The following NEDD4 variants were observed in gnomAD, a reference collection of about 807,000 sequenced individuals.
NEDD4 encodes E3 ubiquitin-protein ligase NEDD4.
NEDD4 carries 99 observed loss-of-function variants against 144.9 expected under a neutral mutation model. The ratio of observed to expected loss-of-function variants is 0.68; its 90% confidence interval spans 0.58 to 0.81. The LOEUF is 0.81. Among genes scored for constraint, NEDD4 ranks in the 30% least tolerant of loss-of-function variants. The probability of loss-of-function intolerance (pLI) is 0.00; values close to 1 mark genes in which losing one functional copy is unlikely to be tolerated. For missense variants in NEDD4, 985 were observed against 1,065.9 expected (o/e 0.92, Z 1.06); for synonymous variants, 318 against 350.6 (o/e 0.91, Z 1.04).
chr15:55,936,068 G>C (rs1282348536), intron 4 of NEDD4, among the ~76,000 whole-genome samples: 1 of 151,990 alleles, frequency 6.6e-6, no homozygotes, highest in African/African-American at 2.4e-5. Context: ...TTATTGTGAA[G>C]GCAGTTTTCA....
intron 18 of NEDD4, among the ~76,000 whole-genome samples, chr15:55,843,429 A>G (rs1463662801): frequency 6.6e-6 from 1 of 152,208 alleles, no homozygotes; most frequent in African/African-American, 2.4e-5. Context: ...TGCCTCACTA[A>G]TCTTTTGTAC....
chr15:55,923,659 A>AAAAT (rs546642962), intron 5 of NEDD4, among the ~76,000 whole-genome samples: 10,654 of 134,622 alleles, frequency 0.079, 532 homozygotes, highest in Non-Finnish European at 0.09. Flanking sequence ...AAAAAAAAAA[A>AAAAT]ATATATATAT....
At chr15:55,909,390 G>T (rs1468593725) in intron 5 of NEDD4, among the ~76,000 whole-genome samples, 1 of 152,104 alleles carries the variant, frequency 6.6e-6, no homozygotes, top group Non-Finnish European at 1.5e-5. Flanking sequence ...GGACAGATCT[G>T]CTCATCTCTT....
intron 12 of NEDD4, among the ~76,000 whole-genome samples, chr15:55,855,348 C>T (rs2034148166): frequency 6.6e-6 from 1 of 152,096 alleles, no homozygotes; most frequent in Non-Finnish European, 1.5e-5. Context: ...ATGGAATGCA[C>T]ACAGACTCAG....
At position 55,924,666 on chromosome 15, in the gene NEDD4, C is replaced by T; in HGVS notation, c.271G>A (p.Val91Met). The change falls in exon 5 of 29, where the codon GTG becomes ATG. Residue 91 changes from valine (V) to methionine (M), a missense_variant. Coordinates refer to ENST00000435532, the MANE Select transcript of NEDD4 (RefSeq NM_006154.4). ...HPQQHRLLFE[V>M]FDENRLTRDD... ...CTTACCAATCGGTTTTCGTCAAACACTTCAAAAAGAAGCCGGTGCTGCTGA... is the reference window on the plus strand; with the variant it reads ...CTTACCAATCGGTTTTCGTCAAACATTTCAAAAAGAAGCCGGTGCTGCTGA... The T allele has an allele frequency of 6.2e-7, 1 of 1,610,246 alleles. No homozygotes were observed. The highest frequency in any genetic ancestry group is 8.5e-7 in the Non-Finnish European group (1 of 1,178,238).
At position 55,990,854 on chromosome 15, in the gene NEDD4, T is replaced by A. The variant is rs971880674; in HGVS notation, c.45+2657A>T. 1.3e-5 allele frequency among the ~76,000 whole-genome samples: 2 copies of A among 152,172 alleles called. 1 individual carries two copies. Among genetic ancestry groups the A allele is most frequent in the East Asian group, 3.8e-4 (2 of 5,196 alleles). ...GTGAATCTCAAGTGACCAGAGCAAA[T>A]CTGGTATAAATTATACTACACTTCC... is the stretch of plus-strand genomic sequence containing the variant. On this transcript the variant is annotated intron_variant, in intron 1 of 28. Coordinates refer to ENST00000435532, the MANE Select transcript of NEDD4 (RefSeq NM_006154.4).
rs1260799434 is a variant in NEDD4 at position 55,843,807 on chromosome 15, C to CA, written c.1609-1645_1609-1644insT. ...CAACTTTAGACTGGATACTAGGCAG[C>CA]TGGTGCAGGTAAGCATTTATCAAAG... On this transcript the variant is annotated intron_variant, in intron 18 of 28. Transcript: ENST00000435532. Among the ~76,000 whole-genome samples the CA allele has an allele frequency of 2.5e-4, 38 of 152,142 alleles. No homozygotes were observed. In the Middle Eastern group the frequency reaches 0.01, roughly 41 times the overall value.
Position 55,856,342 on chromosome 15 carries a change from T to C in NEDD4, c.961-146A>G, listed in dbSNP as rs1216419282. 1.6e-5 allele frequency: 11 copies of C among 691,734 alleles called. No homozygotes were observed. In the African/African-American group the frequency reaches 2.0e-4, roughly 13 times the overall value. 42.8% of individuals were successfully genotyped at this position (691,734 alleles called of 1,614,324 possible). ...AATGTTGAGAGTGCAGGCTGAGTCA[T>C]GTGGTCGCTCTCAGCCCCCTACGTG... On this transcript the variant is annotated intron_variant, in intron 11 of 28. Transcript: ENST00000435532.
chr15:55,854,134 G>A (rs1402945312), intron 12 of NEDD4, among the ~76,000 whole-genome samples: 1 of 152,028 alleles, frequency 6.6e-6, no homozygotes, highest in East Asian at 1.9e-4. Context: ...GGACAACAGA[G>A]CAAGACTCCA....
chr15:55,848,899 A>C lies in NEDD4; in HGVS notation c.1348-13T>G. 6.2e-7 allele frequency: 1 copy of C among 1,605,300 alleles called. No homozygotes were observed. Among genetic ancestry groups the C allele is most frequent in the Non-Finnish European group, 8.5e-7 (1 of 1,172,216 alleles). On this transcript the variant is annotated splice_polypyrimidine_tract_variant and intron_variant, in intron 14 of 28. Transcript: ENST00000435532. ...ATCTTGGATCTTCCTTTTTTGGTAG[A>C]GTAAATAAAGAACAATACACACAAA...
intron 1 of NEDD4, among the ~76,000 whole-genome samples, chr15:55,969,876 A>C (rs959522250): frequency 6.7e-6 from 1 of 148,270 alleles, no homozygotes; most frequent in Admixed American, 6.7e-5. Context: ...TAAGGAAAGG[A>C]GAGGGAAAAG....
At position 55,840,688 on chromosome 15, in the gene NEDD4, C is replaced by G; in HGVS notation, c.1878G>C (p.Leu626Phe). 1 of 1,614,034 alleles carries G rather than the reference C, an allele frequency of 6.2e-7. No homozygotes were observed. Among genetic ancestry groups the G allele is most frequent in the Non-Finnish European group, 8.5e-7 (1 of 1,179,952 alleles). The part of the protein sequence containing the change: ...YTLQINPNSG[L>F]CNEDHLSYFK... ...AGTAAGAGAGGTGATCTTCGTTACA[C>G]AATCCAGAGTTTGGATTTATCTGTA... Residue 626 changes from leucine to phenylalanine, a missense_variant, in exon 20 of 29, where the codon TTG becomes TTC. Coordinates refer to ENST00000435532, the MANE Select transcript of NEDD4 (RefSeq NM_006154.4).
chr15:55,936,581 A>T (rs1053688335), intron 4 of NEDD4, among the ~76,000 whole-genome samples: 5 of 152,206 alleles, frequency 3.3e-5, no homozygotes, highest in African/African-American at 1.2e-4. Context: ...TTGCATATAT[A>T]TACATTACAT....
chr15:55,832,464 A>C (rs2032997305), intron 27 of NEDD4, among the ~76,000 whole-genome samples: 1 of 152,086 alleles, frequency 6.6e-6, no homozygotes, highest in South Asian at 2.1e-4. Context: ...ACCCAGGCTG[A>C]ACTACAGTGG....
At chr15:55,880,799 A>G (rs1595789715) in intron 5 of NEDD4, among the ~76,000 whole-genome samples, 2 of 152,228 alleles carry the variant, frequency 1.3e-5, no homozygotes, top group South Asian at 2.1e-4. Context: ...AGGGATAATC[A>G]TATCGACTAG....
chr15:55,839,973 CAAAAAA>C (rs1157411288), intron 21 of NEDD4, among the ~76,000 whole-genome samples: 161 of 12,022 alleles, frequency 0.013, no homozygotes, highest in Non-Finnish European at 0.017. Flanking sequence ...CACTCTGTCT[CAAAAAA>C]AAAAAAAAAA....
chr15:55,930,113 G>A (rs560438464), intron 4 of NEDD4, among the ~76,000 whole-genome samples: 2 of 152,154 alleles, frequency 1.3e-5, no homozygotes, highest in Non-Finnish European at 2.9e-5. Flanking sequence ...GCAAATTATG[G>A]CTTGTGTGCT....
intron 5 of NEDD4, among the ~76,000 whole-genome samples, chr15:55,889,860 C>T (rs1250434311): frequency 6.6e-6 from 1 of 151,944 alleles, no homozygotes; most frequent in African/African-American, 2.4e-5. Flanking sequence ...GCCACCACGC[C>T]CAGCTAATTT....
intron 21 of NEDD4, among the ~76,000 whole-genome samples, chr15:55,839,697 G>C (rs1361959732): frequency 6.6e-6 from 1 of 151,738 alleles, no homozygotes; most frequent in Non-Finnish European, 1.5e-5. Flanking sequence ...ACACCATTTG[G>C]CCAGGTGCGG....
Sources: allele counts gnomAD v4.1 joint callset (sites outside exome capture counted in the v4.1 genomes callset), GRCh38; gene constraint gnomAD v4.1.1; transcripts MANE v1.5; gene names NCBI Gene and HGNC (gene_info 2026-07-23, HGNC 2026-07-21).